ATG7: variants seen among roughly 807,000 people sequenced by gnomAD.
The protein encoded by ATG7 is ubiquitin-like modifier-activating enzyme ATG7.
ATG7 carries 70 observed loss-of-function variants against 82.4 expected under a neutral mutation model. The ratio of observed to expected loss-of-function variants is 0.85; its 90% CI spans 0.70 to 1.04. The LOEUF is 1.04. ATG7 is among the 50% of genes least tolerant of loss of function. ATG7 has a pLI of 0.00. For synonymous variants in ATG7, 287 were observed against 313.0 expected (o/e 0.92, Z 0.88); for missense variants, 792 against 864.3 (o/e 0.92, Z 1.05).
intron 19 of ATG7, among the ~76,000 whole-genome samples, chr3:11,390,043 TG>T (rs1338279156): frequency 1.3e-5 from 2 of 152,216 alleles, no homozygotes; most frequent in African/African-American, 4.8e-5. Context: ...GTAACGAAAG[TG>T]GGGATTGAGG....
intron 19 of ATG7, among the ~76,000 whole-genome samples, chr3:11,385,227 A>G (rs1029815332): frequency 6.6e-6 from 1 of 152,090 alleles, no homozygotes; most frequent in Admixed American, 6.5e-5. Flanking sequence ...ACGGGGTTTC[A>G]CCATGTTGGC....
chr3:11,443,911 CT>C (rs2084253396), intron 20 of ATG7, among the ~76,000 whole-genome samples: 1 of 152,142 alleles, frequency 6.6e-6, no homozygotes, highest in Non-Finnish European at 1.5e-5. Context: ...AAAAAATACT[CT>C]CGTTGCCCTT....
At chr3:11,378,994 T>G (rs78893413) in intron 18 of ATG7, among the ~76,000 whole-genome samples, 2,499 of 152,038 alleles carry the variant, frequency 0.016, 37 homozygotes, top group Non-Finnish European at 0.018. Flanking sequence ...AGACAAACGC[T>G]GTGGTATTCT....
intron 20 of ATG7, among the ~76,000 whole-genome samples, chr3:11,465,892 C>T (rs2086783791): frequency 1.3e-5 from 2 of 152,156 alleles, no homozygotes; most frequent in African/African-American, 4.8e-5. Context: ...GCTTTAAGGG[C>T]CTCTCAGTGC....
intron 3 of ATG7, among the ~76,000 whole-genome samples, chr3:11,283,236 A>G (rs1943370784): frequency 6.6e-6 from 1 of 152,152 alleles, no homozygotes; most frequent in African/African-American, 2.4e-5. Flanking sequence ...TGAGGGAGGT[A>G]GGCTTTAAAT....
rs574801539 is a variant in ATG7, at chr3:11,397,629, G to C, written c.1956+17577G>C. ...ATGCCATCTTGCCTGGCTAATTTTT[G>C]TATTTTTAGTAGAGATGGGGTTTCA... On this transcript the variant is annotated intron_variant, in intron 19 of 20. Coordinates refer to ENST00000693202, the MANE Select transcript of ATG7 (RefSeq NM_001349232.2). Among the ~76,000 whole-genome samples, 137 of 151,592 alleles carry C rather than the reference G, an allele frequency of 9.0e-4. 2 individuals are homozygous for C. In the South Asian group the frequency reaches 0.023, roughly 25 times the overall value.
rs563417332 is a variant in ATG7 at position 11,298,064 on chromosome 3, A to G, written c.-10-622A>G. On this transcript the variant is annotated intron_variant, in intron 3 of 20. Coordinates refer to ENST00000693202, the MANE Select transcript of ATG7 (RefSeq NM_001349232.2). ...CGTGGTGGCATGCGCCTGTAGTCCCAGCTACTTGGGAGGCTGAGGCAGGAG... is the reference window on the plus strand; with the variant it reads ...CGTGGTGGCATGCGCCTGTAGTCCCGGCTACTTGGGAGGCTGAGGCAGGAG... 1.7e-4 allele frequency among the ~76,000 whole-genome samples: 26 copies of G among 152,308 alleles called. No individual in the cohort carries two copies. The South Asian group carries it at 5.2e-3, about 30-fold the overall frequency.
chr3:11,485,834 C>T (rs1467191914), intron 20 of ATG7, among the ~76,000 whole-genome samples: 1 of 152,146 alleles, frequency 6.6e-6, no homozygotes, highest in African/African-American at 2.4e-5. Context: ...TCAGTTTCGT[C>T]AAAGATCAGA....
intron 19 of ATG7, among the ~76,000 whole-genome samples, chr3:11,388,218 G>A (rs180766678): frequency 6.6e-6 from 1 of 152,064 alleles, no homozygotes; most frequent in African/African-American, 2.4e-5. Flanking sequence ...AGATGCAGGG[G>A]CTGATTTACC....
In ATG7 at chr3:11,462,989, G is replaced by A. The variant is rs113211173; in HGVS notation, c.2079+36063G>A. On this transcript the variant is annotated intron_variant, in intron 20 of 20. Transcript: ENST00000693202. ...CAACCTCTGCCTCCTGGGTTCAAGC[G>A]ATTCTTCCACCTCAGCCTCCCAAGG... Among the ~76,000 whole-genome samples the A allele has an allele frequency of 3.9e-3, 595 of 151,926 alleles. 4 individuals are homozygous for A. Among genetic ancestry groups the A allele is most frequent in the African/African-American group, 0.013 (558 of 41,370 alleles).
In ATG7 at chr3:11,309,036, A is replaced by G; in HGVS notation, c.386A>G (p.Asn129Ser). The change falls in exon 7 of 21, where the codon AAC (asparagine) becomes AGC (serine). Residue 129 changes from asparagine (N) to serine (S), a missense_variant. Transcript: ENST00000693202. ...GCTCTTGAAAACCCTGTACTCCTCAACAAGTTCCTCCTCTTGACATTTGCA... is the reference window on the plus strand; with the variant it reads ...GCTCTTGAAAACCCTGTACTCCTCAGCAAGTTCCTCCTCTTGACATTTGCA... ...GTALENPVLL[N>S]KFLLLTFADL... The G allele has an allele frequency of 6.2e-7, 1 of 1,614,002 alleles. No individual in the cohort carries two copies. Among genetic ancestry groups the G allele is most frequent in the Non-Finnish European group, 8.5e-7 (1 of 1,179,856 alleles).
At chr3:11,427,537 G>A (rs1380471192) in intron 20 of ATG7, among the ~76,000 whole-genome samples, 1 of 149,802 alleles carries the variant, frequency 6.7e-6, no homozygotes, top group African/African-American at 2.5e-5. Context: ...TAAATTATCG[G>A]CCGGGCGAGG....
chr3:11,509,468 G>A (rs991766063), intron 20 of ATG7, among the ~76,000 whole-genome samples: 1 of 150,978 alleles, frequency 6.6e-6, no homozygotes, highest in African/African-American at 2.4e-5. Context: ...CCTCCACAAA[G>A]CCTGGTGCAA....
the ATG7 span, among the ~76,000 whole-genome samples, chr3:11,564,140 C>T: frequency 6.6e-6 from 1 of 152,248 alleles, no homozygotes; most frequent in Non-Finnish European, 1.5e-5. Context: ...TGAGCCTCCT[C>T]AATGCTGCTG....
intron 14 of ATG7, among the ~76,000 whole-genome samples, chr3:11,349,509 C>G (rs997828642): frequency 1.3e-5 from 2 of 152,142 alleles, no homozygotes; most frequent in Non-Finnish European, 2.9e-5. Flanking sequence ...CCATTTCACT[C>G]AAGCCTCGGT....
intron 20 of ATG7, among the ~76,000 whole-genome samples, chr3:11,445,849 A>T (rs1422137417): frequency 3.9e-5 from 6 of 152,120 alleles, no homozygotes; most frequent in Non-Finnish European, 4.4e-5. Context: ...AATCTGTATA[A>T]CAGTATCATA....
At chr3:11,399,779 G>A (rs1306915700) in intron 19 of ATG7, among the ~76,000 whole-genome samples, 2 of 152,090 alleles carry the variant, frequency 1.3e-5, no homozygotes, top group Non-Finnish European at 2.9e-5. Context: ...TCACCATGTT[G>A]GTCAGGCTGG....
chr3:11,371,931 G>A (rs1387953417), intron 18 of ATG7, among the ~76,000 whole-genome samples: 4 of 151,346 alleles, frequency 2.6e-5, no homozygotes, highest in African/African-American at 9.7e-5. Flanking sequence ...ATGAATTCCT[G>A]CCGGACCACA....
At chr3:11,463,483 T>C (rs936348584) in intron 20 of ATG7, among the ~76,000 whole-genome samples, 3 of 152,220 alleles carry the variant, frequency 2.0e-5, no homozygotes, top group Admixed American at 2.0e-4. Context: ...ATATTTCTTA[T>C]GGCCTCCCAT....
Sources: allele counts gnomAD v4.1 joint callset (sites outside exome capture counted in the v4.1 genomes callset), GRCh38; gene constraint gnomAD v4.1.1; transcripts MANE v1.5; gene names NCBI Gene and HGNC (gene_info 2026-07-23, HGNC 2026-07-21).